DOCK4: variants seen among roughly 807,000 people sequenced by gnomAD.
The protein encoded by DOCK4 is dedicator of cytokinesis protein 4.
In DOCK4, 97 loss-of-function variants were observed where a neutral mutation model predicts 268.1. The observed-to-expected ratio is 0.36, with a 90% confidence interval of 0.31 to 0.43. The LOEUF is 0.43. DOCK4 is among the 20% of genes least tolerant of loss of function. The probability of loss-of-function intolerance (pLI) is 1.00; values close to 1 mark genes in which losing one functional copy is unlikely to be tolerated. For missense variants in DOCK4, 2,145 were observed against 2,455.7 expected (o/e 0.87, Z 2.67); for synonymous variants, 954 against 887.2 (o/e 1.08, Z -1.34).
Position 111,755,506 on chromosome 7 carries a change from G to T in DOCK4, c.4416+9C>A. 1 of 1,613,574 alleles carries T rather than the reference G, an allele frequency of 6.2e-7. No homozygotes were observed. The highest frequency in any genetic ancestry group is 8.5e-7 in the Non-Finnish European group (1 of 1,179,566). On this transcript the variant is annotated intron_variant, in intron 42 of 52. Coordinates refer to ENST00000428084, the MANE Select transcript of DOCK4 (RefSeq NM_001363540.2). ...GAGAAAGTGCTTGAGAACAAGCTCT[G>T]ATCCTTACCACTTCACGCTTTTCCA... is the stretch of plus-strand genomic sequence containing the variant.
chr7:112,107,831 C>T (rs1388005984), intron 1 of DOCK4, among the ~76,000 whole-genome samples: 1 of 152,214 alleles, frequency 6.6e-6, no homozygotes, highest in African/African-American at 2.4e-5. Context: ...CAGCCAGTCA[C>T]TCACTTTGGT....
At chr7:111,898,058 C>A (rs1177361393) in intron 15 of DOCK4, among the ~76,000 whole-genome samples, 1 of 152,160 alleles carries the variant, frequency 6.6e-6, no homozygotes, top group East Asian at 1.9e-4. Flanking sequence ...TGTTCCCAAC[C>A]ATATTACCTA....
At chr7:111,738,026 A>G (rs756787626) in intron 49 of DOCK4, among the ~76,000 whole-genome samples, 2 of 152,216 alleles carry the variant, frequency 1.3e-5, no homozygotes, top group African/African-American at 2.4e-5. Flanking sequence ...GTGGCTACAG[A>G]CTTCTGCCAG....
intron 44 of DOCK4, among the ~76,000 whole-genome samples, chr7:111,742,680 G>T (rs1795998349): frequency 6.6e-6 from 1 of 152,174 alleles, no homozygotes; most frequent in South Asian, 2.1e-4. Context: ...CAGTTTCCAT[G>T]CTTCTTGTTT....
chr7:111,910,530 T>G lies in DOCK4; in HGVS notation c.1192+5249A>C, dbSNP rs73428833. Reference sequence around the variant, plus strand: ...TCATCAGTAGTTTTTCATATGGATCTCCTATTAAAACGCTAATATTTTGGA... The same window carrying G: ...TCATCAGTAGTTTTTCATATGGATCGCCTATTAAAACGCTAATATTTTGGA... On this transcript the variant is annotated intron_variant, in intron 13 of 52. Coordinates refer to ENST00000428084, the MANE Select transcript of DOCK4 (RefSeq NM_001363540.2). Among the ~76,000 whole-genome samples the G allele has an allele frequency of 8.8e-3, 1,346 of 152,342 alleles. 13 individuals carry two copies. Among genetic ancestry groups the G allele is most frequent in the African/African-American group, 0.031 (1,285 of 41,572 alleles).
At chr7:112,058,077 G>C (rs1181105016) in intron 1 of DOCK4, among the ~76,000 whole-genome samples, 3 of 120,960 alleles carry the variant, frequency 2.5e-5, no homozygotes, top group Non-Finnish European at 3.2e-5. Context: ...TAATATAGAA[G>C]AAACTGTATG....
At chr7:111,755,474 C>T (rs1360698132) in intron 42 of DOCK4, 41 bp downstream of exon 42, 4 of 1,588,106 alleles carry the variant, frequency 2.5e-6, no homozygotes, top group South Asian at 1.1e-5. Flanking sequence ...AAGTGAACAA[C>T]TGTGATGAGA....
rs1253162889 is a variant in DOCK4, at chr7:111,935,527, C to T, written c.1066+13G>A. ...GAAAAGTGTAGGGAAAGTCAGCCAG[C>T]CCATACACTCACCTGCATTGGAGCC... On this transcript the variant is annotated intron_variant, in intron 12 of 52. Transcript: ENST00000428084. The T allele has an allele frequency of 1.5e-5, 24 of 1,610,488 alleles. No homozygotes were observed. The highest frequency in any genetic ancestry group is 2.2e-5 in the East Asian group (1 of 44,724).
intron 1 of DOCK4, among the ~76,000 whole-genome samples, chr7:112,084,748 T>C (rs761120925): frequency 2.5e-4 from 38 of 152,216 alleles, no homozygotes; most frequent in Admixed American, 3.3e-4. Context: ...GTAACAGATA[T>C]CCAGATTTAA....
At chr7:111,987,522 C>A (rs192120129) in intron 6 of DOCK4, among the ~76,000 whole-genome samples, 1 of 152,164 alleles carries the variant, frequency 6.6e-6, no homozygotes, top group African/African-American at 2.4e-5. Flanking sequence ...GCATAGGTTT[C>A]GCTCCAACGG....
At chr7:112,054,847 T>G (rs1211001709) in intron 1 of DOCK4, among the ~76,000 whole-genome samples, 3 of 152,228 alleles carry the variant, frequency 2.0e-5, no homozygotes, top group East Asian at 1.9e-4. Context: ...TAAAGTAATT[T>G]AAGACACACT....
intron 1 of DOCK4, among the ~76,000 whole-genome samples, chr7:112,064,768 T>C (rs1162822132): frequency 6.6e-6 from 1 of 152,090 alleles, no homozygotes; most frequent in Non-Finnish European, 1.5e-5. Context: ...AACAGGTGAT[T>C]AAGTTAAAAT....
In DOCK4 at chr7:111,834,600, C is replaced by T. The variant is rs1370408868; in HGVS notation, c.2823G>A (p.Lys941=). Residue 941 remains lysine (K), a synonymous_variant, in exon 26 of 53, where the codon AAG becomes AAA. Transcript: ENST00000428084. The stretch of plus-strand genomic sequence containing the variant: ...AAATGTCACTTACCCTTAGTTCTTC[C>T]TTTGTATTAAAACTATCAAGAAGCT... The part of the protein sequence containing the change: ...YQQLLDSFNT[K]EELRDFLLQI... 1 of 1,546,822 alleles carries T rather than the reference C, an allele frequency of 6.5e-7. No individual in the cohort carries two copies. The highest frequency in any genetic ancestry group is 2.4e-5 in the East Asian group (1 of 41,620).
intron 1 of DOCK4, among the ~76,000 whole-genome samples, chr7:112,055,737 G>A (rs368049766): frequency 3.3e-5 from 5 of 151,860 alleles, no homozygotes; most frequent in South Asian, 2.1e-4. Context: ...GTGAAACCCC[G>A]TCTCTACTAA....
At chr7:112,184,530 T>C (rs369499545) in intron 1 of DOCK4, among the ~76,000 whole-genome samples, 55 of 152,162 alleles carry the variant, frequency 3.6e-4, no homozygotes, top group African/African-American at 1.3e-3. Flanking sequence ...TTTCTTTTTT[T>C]TTCCTTTTGG....
rs140699608 is a variant in DOCK4 at position 112,168,702 on chromosome 7, G to C, written c.37+37400C>G. On this transcript the variant is annotated intron_variant, in intron 1 of 52. Transcript: ENST00000428084. The stretch of plus-strand genomic sequence containing the variant: ...TACCCCAGCCTGAGTGACAGAGTGA[G>C]ACTCTGTCTCAAAAAACATAGAGTT... Among the ~76,000 whole-genome samples the C allele has an allele frequency of 8.0e-4, 122 of 152,236 alleles. 1 individual carries two copies. Among genetic ancestry groups the C allele is most frequent in the Middle Eastern group, 3.4e-3 (1 of 294 alleles).
intron 30 of DOCK4, among the ~76,000 whole-genome samples, chr7:111,806,209 T>A (rs994398697): frequency 1.3e-5 from 2 of 152,202 alleles, no homozygotes; most frequent in Admixed American, 6.5e-5. Flanking sequence ...CAACATGACA[T>A]ATTTATAAGT....
At position 111,932,009 on chromosome 7, in the gene DOCK4, C is replaced by T. The variant is rs149857320; in HGVS notation, c.1066+3531G>A. 4.5e-3 allele frequency among the ~76,000 whole-genome samples: 689 copies of T among 152,264 alleles called. 8 individuals carry two copies. The highest frequency in any genetic ancestry group is 0.016 in the African/African-American group (653 of 41,548). On this transcript the variant is annotated intron_variant, in intron 12 of 52. Coordinates refer to ENST00000428084, the MANE Select transcript of DOCK4 (RefSeq NM_001363540.2). ...TGGTTTGGTTTAACTGGAATCCTGA[C>T]CTTTAACGCAGGCCTTAAGGATACA...
At chr7:111,731,749 T>C (rs1247120081) in intron 52 of DOCK4, among the ~76,000 whole-genome samples, 2 of 152,198 alleles carry the variant, frequency 1.3e-5, no homozygotes, top group African/African-American at 4.8e-5. Flanking sequence ...TGGTATAAAA[T>C]ATTAACAGAG....
Sources: allele counts gnomAD v4.1 joint callset (sites outside exome capture counted in the v4.1 genomes callset), GRCh38; gene constraint gnomAD v4.1.1; transcripts MANE v1.5; gene names NCBI Gene and HGNC (gene_info 2026-07-23, HGNC 2026-07-21).